KCNT2: variants seen among roughly 807,000 people sequenced by gnomAD.
KCNT2 encodes the protein potassium sodium-activated channel subfamily T member 2.
In KCNT2, 67 loss-of-function variants were observed where a neutral mutation model predicts 153.8. The ratio of observed to expected loss-of-function variants is 0.44; its 90% confidence interval spans 0.36 to 0.53. The LOEUF (loss-of-function observed/expected upper bound fraction) is 0.53. KCNT2 is among the 20% of genes least tolerant of loss of function. The pLI is 0.00. For missense variants in KCNT2, 975 were observed against 1,354.8 expected (o/e 0.72, Z 4.40); for synonymous variants, 500 against 458.8 (o/e 1.09, Z -1.15).
intron 19 of KCNT2, among the ~76,000 whole-genome samples, chr1:196,320,144 T>A (rs1208202869): frequency 6.6e-6 from 1 of 151,782 alleles, no homozygotes; most frequent in Non-Finnish European, 1.5e-5. Context: ...ATATACTCTC[T>A]ATATATTATT....
chr1:196,258,550 A>C, intron 25 of KCNT2, 56 bp from the exon 26 acceptor site: 1 of 1,203,796 alleles, frequency 8.3e-7, no homozygotes, highest in Non-Finnish European at 1.2e-6. Context: ...TATGGCTTGA[A>C]GTTGAAATAA....
chr1:196,297,333 A>C (rs1660765950), intron 22 of KCNT2, among the ~76,000 whole-genome samples: 1 of 152,080 alleles, frequency 6.6e-6, no homozygotes, highest in Non-Finnish European at 1.5e-5. Context: ...TAATATTTTG[A>C]TTTTAATGGT....
At chr1:196,338,367 A>G (rs894691448) in intron 16 of KCNT2, among the ~76,000 whole-genome samples, 1 of 152,084 alleles carries the variant, frequency 6.6e-6, no homozygotes, top group Non-Finnish European at 1.5e-5. Context: ...AGAAAATATC[A>G]CTAATAAAAA....
chr1:196,371,098 T>C (rs946343643), intron 14 of KCNT2, among the ~76,000 whole-genome samples: 1 of 151,626 alleles, frequency 6.6e-6, no homozygotes, highest in Non-Finnish European at 1.5e-5. Context: ...ACTAAAATGA[T>C]TTCAGCTGAG....
At chr1:196,245,366 G>A (rs751020800) in intron 26 of KCNT2, among the ~76,000 whole-genome samples, 32 of 152,134 alleles carry the variant, frequency 2.1e-4, no homozygotes, top group Middle Eastern at 3.4e-3. Context: ...CAAAGCCTAA[G>A]TCTGAACACC....
Position 196,601,831 on chromosome 1 carries a change from T to C in KCNT2, c.95+6384A>G, listed in dbSNP as rs146933395. 4.8e-3 allele frequency among the ~76,000 whole-genome samples: 738 copies of C among 152,320 alleles called. 3 individuals are homozygous for C. Among genetic ancestry groups the C allele is most frequent in the African/African-American group, 0.016 (674 of 41,570 alleles). On this transcript the variant is annotated intron_variant, in intron 1 of 27. Transcript: ENST00000294725. ...ATATTTTATCTAAAAGTCTTATTTC[T>C]TTGGTAATATGTCTGACATTCATAT...
chr1:196,540,865 G>A (rs1656261508), intron 1 of KCNT2, among the ~76,000 whole-genome samples: 1 of 152,066 alleles, frequency 6.6e-6, no homozygotes, highest in African/African-American at 2.4e-5. Flanking sequence ...AGGAGATCGA[G>A]ACCATCCTGG....
At chr1:196,435,086 A>C (rs997922945) in intron 8 of KCNT2, among the ~76,000 whole-genome samples, 1 of 137,180 alleles carries the variant, frequency 7.3e-6, no homozygotes, top group African/African-American at 2.7e-5. Context: ...TAAGCCACTA[A>C]GTTTAGGGGT....
At chr1:196,584,908 G>A (rs1662486634) in intron 1 of KCNT2, among the ~76,000 whole-genome samples, 1 of 152,002 alleles carries the variant, frequency 6.6e-6, no homozygotes, top group Admixed American at 6.6e-5. Flanking sequence ...GTTTGTTTGG[G>A]GGTGGGGTTT....
chr1:196,445,905 C>CAA (rs879663761), intron 8 of KCNT2, among the ~76,000 whole-genome samples: 19 of 142,396 alleles, frequency 1.3e-4, no homozygotes, highest in African/African-American at 4.5e-4. Flanking sequence ...CCTCTTAGAC[C>CAA]AAAAAAAAAA....
At chr1:196,392,152 G>T (rs1283773832) in intron 13 of KCNT2, among the ~76,000 whole-genome samples, 1 of 151,238 alleles carries the variant, frequency 6.6e-6, no homozygotes. Flanking sequence ...AATGTTAACA[G>T]TTTTTGCAGT....
chr1:196,318,222 T>C (rs1240670009), intron 20 of KCNT2, among the ~76,000 whole-genome samples: 1 of 151,726 alleles, frequency 6.6e-6, no homozygotes, highest in Non-Finnish European at 1.5e-5. Context: ...AGGACTAGAA[T>C]GTGAAGTACG....
chr1:196,481,234 C>T (rs879782316), intron 4 of KCNT2, among the ~76,000 whole-genome samples: 4 of 152,086 alleles, frequency 2.6e-5, no homozygotes, highest in Admixed American at 2.6e-4. Context: ...TACAAATATA[C>T]AGACTTCACA....
intron 14 of KCNT2, among the ~76,000 whole-genome samples, chr1:196,372,729 A>G (rs1227784929): frequency 3.3e-5 from 5 of 151,934 alleles, no homozygotes; most frequent in Non-Finnish European, 7.4e-5. Flanking sequence ...AAGCTTTCAG[A>G]TAAAACTTAC....
intron 1 of KCNT2, among the ~76,000 whole-genome samples, chr1:196,557,153 G>A (rs1244772780): frequency 6.6e-6 from 1 of 151,000 alleles, no homozygotes. Flanking sequence ...GAATTGTTCA[G>A]AACAAAAAGA....
intron 12 of KCNT2, among the ~76,000 whole-genome samples, chr1:196,421,246 G>GA (rs1023385699): frequency 2.0e-5 from 3 of 151,006 alleles, no homozygotes; most frequent in Non-Finnish European, 3.0e-5. Context: ...GTAGTGTCAG[G>GA]AAAAAAAAGA....
chr1:196,290,186 T>C (rs1375354803), intron 22 of KCNT2, among the ~76,000 whole-genome samples: 2 of 152,118 alleles, frequency 1.3e-5, no homozygotes, highest in African/African-American at 4.8e-5. Flanking sequence ...TTCTTTCCTC[T>C]GGACCCAATC....
chr1:196,494,963 G>A (rs1386452007), intron 1 of KCNT2, among the ~76,000 whole-genome samples: 2 of 151,830 alleles, frequency 1.3e-5, no homozygotes, highest in Admixed American at 6.6e-5. Flanking sequence ...AACAGCATGC[G>A]AGCCACTGGC....
intron 25 of KCNT2, chr1:196,258,790 G>T: frequency 3.1e-6 from 1 of 324,386 alleles, no homozygotes; most frequent in Non-Finnish European, 5.9e-6. Context: ...AGTTATTTAT[G>T]ATATTACTAG....
Sources: allele counts gnomAD v4.1 joint callset (sites outside exome capture counted in the v4.1 genomes callset), GRCh38; gene constraint gnomAD v4.1.1; transcripts MANE v1.5; gene names NCBI Gene and HGNC (gene_info 2026-07-23, HGNC 2026-07-21).